Variants in CFAP161 observed in about 807,000 individuals in gnomAD.
CFAP161 encodes the protein cilia and flagella associated protein 161.
Under a neutral mutation model 29.0 loss-of-function variants are expected in CFAP161, and 25 were observed. That is an observed-to-expected ratio of 0.86 (90% CI 0.63 to 1.20). CFAP161 has a LOEUF of 1.20. Ranked by LOEUF, CFAP161 falls within the 50% of genes most tolerant of loss-of-function variation. The pLI is 0.00. For missense variants in CFAP161, 367 were observed against 371.9 expected, an observed-to-expected ratio of 0.99 and a Z score of 0.11; for synonymous variants, 116 against 137.4, an observed-to-expected ratio of 0.84 and a Z score of 1.09.
At position 81,147,884 on chromosome 15, in the gene CFAP161, C is replaced by T. The variant is rs1316242045; in HGVS notation, c.663C>T (p.His221=). 6.2e-7 allele frequency: 1 copy of T among 1,611,588 alleles called. No individual in the cohort carries two copies. The highest frequency in any genetic ancestry group is 8.5e-7 in the Non-Finnish European group (1 of 1,179,090). Reference sequence around the variant, plus strand: ...CAAATGCTAAAATTCTCATCAATCACTGTCACACAAATCGGGGACTGGCAG... The same window carrying T: ...CAAATGCTAAAATTCTCATCAATCATTGTCACACAAATCGGGGACTGGCAG... ...VPANAKILIN[H]CHTNRGLAAH... Residue 221 remains histidine, a synonymous_variant, in exon 6 of 7, where the codon CAC becomes CAT. Coordinates refer to ENST00000286732, the MANE Select transcript of CFAP161 (RefSeq NM_173528.4).
intron 1 of CFAP161, among the ~76,000 whole-genome samples, chr15:81,111,605 G>A (rs1233951814): frequency 6.6e-6 from 1 of 152,094 alleles, no homozygotes; most frequent in African/African-American, 2.4e-5. Context: ...TCCACTACTT[G>A]CAGAAGAAAA....
At chr15:81,133,894 T>TTGCTGCTGC (rs67632824), upstream of CFAP161, among the ~76,000 whole-genome samples, 2 of 149,724 alleles carry the variant, frequency 1.3e-5, no homozygotes, top group East Asian at 4.0e-4. Flanking sequence ...TAGGGCGAAA[T>TTGCTGCTGC]TGCTGCTGCT....
chr15:81,108,425 G>C (rs1163401560), intron 1 of CFAP161, among the ~76,000 whole-genome samples: 2 of 152,094 alleles, frequency 1.3e-5, no homozygotes, highest in Non-Finnish European at 2.9e-5. Flanking sequence ...GCCAGATAAG[G>C]GGTAGGAAGT....
At position 81,146,514 on chromosome 15, in the gene CFAP161, G is replaced by T. The variant is rs568808499; in HGVS notation, c.637-1344G>T. 4.9e-3 allele frequency among the ~76,000 whole-genome samples: 747 copies of T among 151,848 alleles called. 4 individuals carry two copies. The highest frequency in any genetic ancestry group is 0.017 in the African/African-American group (710 of 41,406). On this transcript the variant is annotated intron_variant, in intron 5 of 6. Coordinates refer to ENST00000286732, the MANE Select transcript of CFAP161 (RefSeq NM_173528.4). ...CAAAGATCTTCTCCAATATAACTTT[G>T]AGTGATGATTTCATCATACAGATAT...
rs1894956478 is a variant in CFAP161, at chr15:81,143,768, C to T, written c.584C>T (p.Ala195Val). The T allele has an allele frequency of 1.2e-6, 2 of 1,614,052 alleles. No homozygotes were observed. Residue 195 changes from alanine (A) to valine (V), a missense_variant, in exon 5 of 7, where the codon GCT becomes GTT. By Grantham distance (64) the Ala-to-Val change is moderately conservative (BLOSUM62 0). Coordinates refer to ENST00000286732, the MANE Select transcript of CFAP161 (RefSeq NM_173528.4). ...DEVSHVNCWQ[A>V]AFPDPQLRLE... ...GTCTCCCATGTGAACTGCTGGCAGG[C>T]TGCCTTCCCTGACCCCCAGTTACGC...
intron 1 of CFAP161, among the ~76,000 whole-genome samples, chr15:81,121,332 A>G (rs1219114521): frequency 6.6e-6 from 1 of 152,024 alleles, no homozygotes; most frequent in Non-Finnish European, 1.5e-5. Context: ...ACATATTTTC[A>G]TATTTATAAC....
chr15:81,139,228 C>T (rs1006015767), intron 4 of CFAP161, among the ~76,000 whole-genome samples: 9 of 151,844 alleles, frequency 5.9e-5, no homozygotes, highest in Non-Finnish European at 7.4e-5. Context: ...TTGCTTAAGC[C>T]GGAAGGTAGA....
chr15:81,100,526 T>A (rs1435881840), intron 1 of CFAP161, among the ~76,000 whole-genome samples: 1 of 152,180 alleles, frequency 6.6e-6, no homozygotes, highest in African/African-American at 2.4e-5. Flanking sequence ...TGGAGTACAC[T>A]GAGGCTAGCT....
chr15:81,117,137 A>C (rs1010700584), intron 1 of CFAP161, among the ~76,000 whole-genome samples: 1 of 152,198 alleles, frequency 6.6e-6, no homozygotes, highest in Non-Finnish European at 1.5e-5. Context: ...CATTTTCTGC[A>C]CATTCTTAAA....
intron 1 of CFAP161, among the ~76,000 whole-genome samples, chr15:81,101,974 A>T (rs749287615): frequency 2.6e-5 from 4 of 152,152 alleles, no homozygotes; most frequent in Non-Finnish European, 5.9e-5. Context: ...CCAGGACAAA[A>T]GGTGTAGCTC....
intron 1 of CFAP161, chr15:81,099,445 G>A (rs1479644909): frequency 1.3e-5 from 2 of 152,300 alleles, no homozygotes; most frequent in African/African-American, 4.8e-5. Context: ...CAGACTTCCA[G>A]TACTGTCCTC....
chr15:81,100,422 C>G (rs1435293687), intron 1 of CFAP161, among the ~76,000 whole-genome samples: 2 of 151,704 alleles, frequency 1.3e-5, no homozygotes, highest in Non-Finnish European at 2.9e-5. Flanking sequence ...CTTAGAGTGT[C>G]TTTCTATTGC....
intron 1 of CFAP161, among the ~76,000 whole-genome samples, chr15:81,124,047 T>C (rs111861288): frequency 0.097 from 14,782 of 152,224 alleles, 842 homozygotes; most frequent in East Asian, 0.18. Context: ...TCTTGCCTGA[T>C]TGCCCTGGCC....
rs568344572 is a variant in CFAP161 at position 81,149,045 on chromosome 15, T to C, written c.*512T>C. 6.6e-6 allele frequency: 1 copy of C among 152,424 alleles called. No homozygotes were observed. The highest frequency in any genetic ancestry group is 1.5e-5 in the Non-Finnish European group (1 of 68,078). 9.4% of individuals were successfully genotyped at this position (152,424 alleles called of 1,614,324 possible). ...GGCTTTCCAGGTCAGGACCTCTACC[T>C]GATCAGTAACCTATTATTTTGTAAT... On this transcript the variant is annotated 3_prime_UTR_variant, in exon 7 of 7. Transcript: ENST00000286732.
At chr15:81,134,255 C>G, upstream of CFAP161, 1 of 1,517,766 alleles carries the variant, frequency 6.6e-7, no homozygotes, top group Non-Finnish European at 8.9e-7. Flanking sequence ...TCGCCTGGGG[C>G]CGGGTCGTCA....
chr15:81,118,228 GA>G, intron 1 of CFAP161: 1 of 492,252 alleles, frequency 2.0e-6, no homozygotes, highest in Admixed American at 3.1e-5. Context: ...ATTTGAAATT[GA>G]AATCAAACCT....
chr15:81,145,851 G>A (rs1426487872), intron 5 of CFAP161, among the ~76,000 whole-genome samples: 2 of 152,178 alleles, frequency 1.3e-5, no homozygotes, highest in African/African-American at 4.8e-5. Flanking sequence ...TTGGTTGGGT[G>A]GTGTTGGAGA....
At chr15:81,113,430 C>T (rs1894461347) in intron 1 of CFAP161, among the ~76,000 whole-genome samples, 1 of 152,150 alleles carries the variant, frequency 6.6e-6, no homozygotes, top group African/African-American at 2.4e-5. Context: ...AGGCTAAAAG[C>T]GTTCGGTTTT....
Position 81,143,725 on chromosome 15 carries a change from G to C in CFAP161, c.541G>C (p.Val181Leu). The C allele has an allele frequency of 6.2e-7, 1 of 1,614,148 alleles. No homozygotes were observed. Among genetic ancestry groups the C allele is most frequent in the South Asian group, 1.1e-5 (1 of 91,074 alleles). ...GTCTAAGAGGTCTTGGCTCCAGGAAGTGTACCTAACAGATGAGGTCTCCCA... is the reference window on the plus strand; with the variant it reads ...GTCTAAGAGGTCTTGGCTCCAGGAACTGTACCTAACAGATGAGGTCTCCCA... The part of the protein sequence containing the change: ...KSSKRSWLQE[V>L]YLTDEVSHVN... Residue 181 changes from valine to leucine, a missense_variant, in exon 5 of 7, where the codon GTG becomes CTG. Val to Leu is a conservative substitution (Grantham distance 32). Transcript: ENST00000286732.
Sources: gnomAD v4.1 joint callset for allele counts (sites outside exome capture counted in the v4.1 genomes callset) on GRCh38, gnomAD v4.1.1 for gene constraint, MANE v1.5 for transcripts, NCBI Gene and HGNC (gene_info 2026-07-23, HGNC 2026-07-21) for gene names.